Variants in FARS2 observed in about 807,000 individuals in gnomAD.
FARS2 encodes the protein phenylalanyl-tRNA synthetase 2, mitochondrial.
In FARS2, 40 loss-of-function variants were observed where a neutral mutation model predicts 46.4. The observed-to-expected ratio is 0.86, with a 90% CI of 0.67 to 1.12. FARS2 has a LOEUF of 1.12. Ranked by LOEUF, FARS2 falls within the 50% of genes most tolerant of loss-of-function variation. The pLI is 0.00. For missense variants in FARS2, 513 were observed against 567.9 expected, an observed-to-expected ratio of 0.90 and a Z score of 0.98; for synonymous variants, 234 against 214.9, an observed-to-expected ratio of 1.09 and a Z score of -0.78.
intron 4 of FARS2, among the ~76,000 whole-genome samples, chr6:5,537,463 G>A (rs1173827510): frequency 7.4e-6 from 1 of 134,484 alleles, no homozygotes. Context: ...GCCTCCTCTC[G>A]AGCTGGAGAT....
chr6:5,496,165 A>G (rs1767450466), intron 4 of FARS2, among the ~76,000 whole-genome samples: 1 of 152,062 alleles, frequency 6.6e-6, no homozygotes, highest in African/African-American at 2.4e-5. Flanking sequence ...GGGTGGAAGG[A>G]GGGTAATACT....
intron 6 of FARS2, among the ~76,000 whole-genome samples, chr6:5,671,775 T>C (rs939355022): frequency 6.6e-6 from 1 of 152,196 alleles, no homozygotes; most frequent in Non-Finnish European, 1.5e-5. Flanking sequence ...GATGGCTTGC[T>C]CTACCAAAGA....
At chr6:5,339,109 A>G (rs1349356013) in intron 1 of FARS2, among the ~76,000 whole-genome samples, 2 of 152,216 alleles carry the variant, frequency 1.3e-5, no homozygotes, top group African/African-American at 4.8e-5. Flanking sequence ...GCAAGATGAT[A>G]AAAATACAAC....
intron 6 of FARS2, among the ~76,000 whole-genome samples, chr6:5,744,625 G>A (rs1761535956): frequency 1.3e-5 from 2 of 152,234 alleles, no homozygotes; most frequent in Middle Eastern, 3.4e-3. Context: ...TCGGGAAGGC[G>A]CTCACTTTCT....
chr6:5,402,416 G>T (rs1761314580), intron 2 of FARS2, among the ~76,000 whole-genome samples: 1 of 151,388 alleles, frequency 6.6e-6, no homozygotes. Flanking sequence ...AGAAAAGTTG[G>T]ATTTTCATTA....
rs1272948289 is a variant in FARS2 at position 5,440,822 on chromosome 6, G to A, written c.904+9650G>A. 2.6e-5 allele frequency among the ~76,000 whole-genome samples: 4 copies of A among 152,026 alleles called. No homozygotes were observed. In the South Asian group the frequency reaches 6.2e-4, roughly 24 times the overall value. ...GTACAGGCATGTGCCACAGTATCCA[G>A]TTTATACTGGTGGTGTTTTAATTCC... On this transcript the variant is annotated intron_variant, in intron 4 of 6. Transcript: ENST00000274680.
At chr6:5,306,615 C>A (rs1768719889) in intron 1 of FARS2, among the ~76,000 whole-genome samples, 1 of 152,164 alleles carries the variant, frequency 6.6e-6, no homozygotes, top group Non-Finnish European at 1.5e-5. Context: ...ATGCACGCTG[C>A]TGGAGTGTTT....
At chr6:5,364,753 C>T (rs191816479) in intron 1 of FARS2, among the ~76,000 whole-genome samples, 103 of 152,302 alleles carry the variant, frequency 6.8e-4, no homozygotes, top group Non-Finnish European at 1.3e-3. Flanking sequence ...AGACTATGGG[C>T]AAGGCACGAT....
chr6:5,690,595 G>T (rs1757628181), intron 6 of FARS2, among the ~76,000 whole-genome samples: 1 of 151,328 alleles, frequency 6.6e-6, no homozygotes, highest in Non-Finnish European at 1.5e-5. Context: ...TTCCCTTTGT[G>T]GGTAACCCGA....
chr6:5,653,243 C>G (rs1173813842), intron 6 of FARS2, among the ~76,000 whole-genome samples: 1 of 152,074 alleles, frequency 6.6e-6, no homozygotes, highest in South Asian at 2.1e-4. Flanking sequence ...CTGAAGTATC[C>G]TCTTATTATT....
chr6:5,693,507 G>T (rs1237745242), intron 6 of FARS2, among the ~76,000 whole-genome samples: 2 of 152,162 alleles, frequency 1.3e-5, no homozygotes, highest in Non-Finnish European at 2.9e-5. Flanking sequence ...CTGCTTTGGG[G>T]AATCATTTAT....
intron 6 of FARS2, among the ~76,000 whole-genome samples, chr6:5,651,183 G>A (rs1777342648): frequency 6.6e-6 from 1 of 152,174 alleles, no homozygotes; most frequent in African/African-American, 2.4e-5. Context: ...GAGCAGTTAG[G>A]TTTCAGTAGA....
the FARS2 span, among the ~76,000 whole-genome samples, chr6:5,254,823 T>C: frequency 6.6e-6 from 1 of 152,154 alleles, no homozygotes; most frequent in African/African-American, 2.4e-5. Context: ...AGGTACCACT[T>C]TTCACCTCTC....
chr6:5,294,022 C>T (rs1767682780), intron 1 of FARS2, among the ~76,000 whole-genome samples: 1 of 152,186 alleles, frequency 6.6e-6, no homozygotes, highest in Non-Finnish European at 1.5e-5. Context: ...CACGAATGAC[C>T]TGCATGTGAA....
intron 6 of FARS2, among the ~76,000 whole-genome samples, chr6:5,667,677 A>G (rs1198982068): frequency 6.6e-6 from 1 of 152,186 alleles, no homozygotes; most frequent in Non-Finnish European, 1.5e-5. Context: ...AGCCAAACCC[A>G]TAGAATTCTA....
At chr6:5,659,910 C>T (rs916598080) in intron 6 of FARS2, among the ~76,000 whole-genome samples, 2 of 152,214 alleles carry the variant, frequency 1.3e-5, no homozygotes, top group Non-Finnish European at 2.9e-5. Flanking sequence ...TTACAATGCA[C>T]CTCCTTCTTT....
intron 2 of FARS2, among the ~76,000 whole-genome samples, chr6:5,398,075 T>G (rs942612750): frequency 6.6e-6 from 1 of 152,208 alleles, no homozygotes; most frequent in African/African-American, 2.4e-5. Flanking sequence ...TCGGTAAATG[T>G]GGCATCCATT....
chr6:5,530,388 T>C (rs1769746605), intron 4 of FARS2, among the ~76,000 whole-genome samples: 1 of 152,098 alleles, frequency 6.6e-6, no homozygotes, highest in Non-Finnish European at 1.5e-5. Context: ...GTAAGTACAA[T>C]ATGTGATCCT....
At chr6:5,722,758 A>G (rs997345978) in intron 6 of FARS2, among the ~76,000 whole-genome samples, 2 of 152,106 alleles carry the variant, frequency 1.3e-5, no homozygotes, top group African/African-American at 4.8e-5. Context: ...AAGCAAGGTG[A>G]AAGGTCATGT....
Sources: allele counts gnomAD v4.1 joint callset (sites outside exome capture counted in the v4.1 genomes callset), GRCh38; gene constraint gnomAD v4.1.1; transcripts MANE v1.5; gene names NCBI Gene and HGNC (gene_info 2026-07-23, HGNC 2026-07-21).